The following RIMS2 variants were observed in gnomAD, a reference collection of about 807,000 sequenced individuals.
RIMS2 encodes regulating synaptic membrane exocytosis protein 2.
In RIMS2, 59 loss-of-function variants were observed where a neutral mutation model predicts 174.4. The ratio of observed to expected loss-of-function variants is 0.34; its 90% CI spans 0.27 to 0.42. The LOEUF (loss-of-function observed/expected upper bound fraction) is 0.42, where lower values mean the gene tolerates loss of function less well. RIMS2 is among the 10% of genes least tolerant of loss of function. The pLI, the probability that RIMS2 is intolerant of heterozygous loss-of-function variation, is 1.00. For synonymous variants in RIMS2, 606 were observed against 572.5 expected, an observed-to-expected ratio of 1.06 and a Z score of -0.84; for missense variants, 1,620 against 1,666.3, an observed-to-expected ratio of 0.97 and a Z score of 0.48.
chr8:103,698,077 A>AT (rs958055113), intron 2 of RIMS2, among the ~76,000 whole-genome samples: 1 of 152,126 alleles, frequency 6.6e-6, no homozygotes, highest in Admixed American at 6.6e-5. Context: ...ATAGGAAGCT[A>AT]TTTTTTTACA....
At chr8:103,919,103 TC>T (rs1429384994) in intron 9 of RIMS2, among the ~76,000 whole-genome samples, 3 of 152,306 alleles carry the variant, frequency 2.0e-5, no homozygotes, top group Admixed American at 6.5e-5. Context: ...ATTAATTTTT[TC>T]CAATGAACTA....
At chr8:103,915,440 C>T in intron 6 of RIMS2, 55 bp from the exon 10 acceptor site, 2 of 1,045,928 alleles carry the variant, frequency 1.9e-6, no homozygotes, top group Non-Finnish European at 2.9e-6. Flanking sequence ...CCTGAATCTT[C>T]AACCATGCTC....
At chr8:103,968,637 C>T (rs1160101033) in intron 15 of RIMS2, among the ~76,000 whole-genome samples, 1 of 151,854 alleles carries the variant, frequency 6.6e-6, no homozygotes, top group Non-Finnish European at 1.5e-5. Flanking sequence ...CAATTTCTTC[C>T]TCCCACTTCT....
At chr8:104,059,329 C>A (rs1050109683) in intron 19 of RIMS2, among the ~76,000 whole-genome samples, 1 of 149,346 alleles carries the variant, frequency 6.7e-6, no homozygotes, top group Non-Finnish European at 1.5e-5. Flanking sequence ...CTCTTTGAAG[C>A]AATTGTGAAT....
intron 3 of RIMS2, among the ~76,000 whole-genome samples, chr8:103,864,213 T>C (rs2099074060): frequency 6.6e-6 from 1 of 152,116 alleles, no homozygotes; most frequent in Non-Finnish European, 1.5e-5. Context: ...TTTCTTCTGC[T>C]ACCTTTGGAT....
rs16870643 is a variant in RIMS2 at position 103,712,398 on chromosome 8, A to G, written c.387+15102A>G. Among the ~76,000 whole-genome samples the G allele has an allele frequency of 3.8e-3, 571 of 152,174 alleles. 8 individuals are homozygous for G. The highest frequency in any genetic ancestry group is 0.013 in the African/African-American group (542 of 41,534). On this transcript the variant is annotated intron_variant, in intron 2 of 23. Transcript: ENST00000504942. ...ATTAGAGAAAAAATACTCTTAGCTCACTGGACATATGGCAAAGGCAAGGTA... is the reference window on the plus strand; with the variant it reads ...ATTAGAGAAAAAATACTCTTAGCTCGCTGGACATATGGCAAAGGCAAGGTA...
At chr8:104,158,118 A>G in intron 19 of RIMS2, among the ~76,000 whole-genome samples, 1 of 151,816 alleles carries the variant, frequency 6.6e-6, no homozygotes, top group African/African-American at 2.4e-5. Context: ...TCATTGTTCA[A>G]CTCCAACTTA....
chr8:104,250,985 A>G lies in RIMS2; in HGVS notation c.3692-39A>G, dbSNP rs528268867. 14 of 1,582,648 alleles carry G rather than the reference A, an allele frequency of 8.8e-6. No individual in the cohort carries two copies. In the African/African-American group the frequency reaches 1.6e-4, roughly 18 times the overall value. On this transcript the variant is annotated intron_variant, in intron 22 of 23. Coordinates refer to ENST00000504942, the Ensembl canonical transcript of RIMS2. ...CGTGCGTCGGCCATTTCATGTCCAT[A>G]GTTTATTGCTCATTCTCCTCTGTGT...
chr8:104,175,784 A>G (rs979562068), intron 19 of RIMS2, among the ~76,000 whole-genome samples: 2 of 152,306 alleles, frequency 1.3e-5, no homozygotes, highest in Non-Finnish European at 1.5e-5. Flanking sequence ...TTCTTTCTGT[A>G]AAAATTGAAG....
chr8:103,908,115 C>T (rs1242678691), intron 4 of RIMS2, among the ~76,000 whole-genome samples: 1 of 152,076 alleles, frequency 6.6e-6, no homozygotes, highest in Non-Finnish European at 1.5e-5. Flanking sequence ...AATCTCAGCT[C>T]ACTGCAACCT....
chr8:103,585,326 G>A (rs1213232602), intron 1 of RIMS2, among the ~76,000 whole-genome samples: 1 of 152,042 alleles, frequency 6.6e-6, no homozygotes, highest in Non-Finnish European at 1.5e-5. Flanking sequence ...TGGAAGACAG[G>A]GTGGTGATTC....
rs151122425 is a variant in RIMS2 at position 103,790,362 on chromosome 8, G to A, written c.698+23825G>A. ...AAAAATAGTATCATGCAATTATGTA[G>A]CCTTTTGTTACTGGCTCTTTCAGTT... On this transcript the variant is annotated intron_variant, in intron 3 of 23. Transcript: ENST00000504942. 6.1e-3 allele frequency among the ~76,000 whole-genome samples: 935 copies of A among 152,194 alleles called. 12 individuals carry two copies. Among genetic ancestry groups the A allele is most frequent in the African/African-American group, 0.021 (885 of 41,516 alleles).
At chr8:103,627,772 T>C (rs574960348) in intron 1 of RIMS2, among the ~76,000 whole-genome samples, 1 of 152,350 alleles carries the variant, frequency 6.6e-6, no homozygotes, top group South Asian at 2.1e-4. Context: ...TATAACATAA[T>C]GATTGTCAAC....
intron 8 of RIMS2, among the ~76,000 whole-genome samples, chr8:103,917,797 A>C (rs1487960776): frequency 2.0e-5 from 3 of 152,104 alleles, no homozygotes; most frequent in Non-Finnish European, 4.4e-5. Flanking sequence ...GGATCACTTG[A>C]AGTCAGGAGT....
intron 1 of RIMS2, among the ~76,000 whole-genome samples, chr8:103,627,123 A>G (rs544486382): frequency 6.6e-6 from 1 of 152,264 alleles, no homozygotes; most frequent in South Asian, 2.1e-4. Context: ...CAGAGCGGCC[A>G]TCTATAGACC....
At position 103,638,392 on chromosome 8, in the gene RIMS2, T is replaced by G. The variant is rs73284475; in HGVS notation, c.177-58694T>G. ...ACTACTGTGATGCTCTAATGATGAC[T>G]TTCTATTTTCTTCATACCTTTCATG... On this transcript the variant is annotated intron_variant, in intron 1 of 23. Coordinates refer to ENST00000504942, the Ensembl canonical transcript of RIMS2. 5.0e-3 allele frequency among the ~76,000 whole-genome samples: 765 copies of G among 152,180 alleles called. 8 individuals are homozygous for G. The highest frequency in any genetic ancestry group is 0.017 in the African/African-American group (725 of 41,562).
chr8:103,850,719 A>G (rs958897123), intron 3 of RIMS2, among the ~76,000 whole-genome samples: 1 of 152,062 alleles, frequency 6.6e-6, no homozygotes, highest in Non-Finnish European at 1.5e-5. Flanking sequence ...GAACAGAGCT[A>G]AGAAACAGTC....
At chr8:104,231,358 CT>C (rs964831671) in intron 19 of RIMS2, among the ~76,000 whole-genome samples, 3 of 142,788 alleles carry the variant, frequency 2.1e-5, no homozygotes, top group Admixed American at 6.9e-5. Flanking sequence ...GAGGTGTTTT[CT>C]TTTTTTATGG....
At chr8:103,700,761 C>G (rs1564339120) in intron 2 of RIMS2, among the ~76,000 whole-genome samples, 1 of 151,724 alleles carries the variant, frequency 6.6e-6, no homozygotes, top group Non-Finnish European at 1.5e-5. Context: ...CATATTTTCT[C>G]CTTTGTTGGC....
Sources: gnomAD v4.1 joint callset for allele counts (sites outside exome capture counted in the v4.1 genomes callset) on GRCh38, gnomAD v4.1.1 for gene constraint, MANE v1.5 for transcripts, NCBI Gene and HGNC (gene_info 2026-07-23, HGNC 2026-07-21) for gene names.